SSPN: variants seen among roughly 807,000 people sequenced by gnomAD.
SSPN encodes the protein sarcospan.
SSPN carries 15 observed loss-of-function variants against 19.1 expected under a neutral mutation model. The ratio of observed to expected loss-of-function variants is 0.78; its 90% confidence interval spans 0.52 to 1.21. The LOEUF (loss-of-function observed/expected upper bound fraction) is 1.21. Among genes scored for constraint, SSPN ranks in the 50% most tolerant of loss-of-function variants. The pLI, the probability that SSPN is intolerant of heterozygous loss-of-function variation, is 0.00. For missense variants in SSPN, 291 were observed against 314.0 expected, an observed-to-expected ratio of 0.93 and a Z score of 0.55; for synonymous variants, 147 against 140.3, an observed-to-expected ratio of 1.05 and a Z score of -0.34.
intron 1 of SSPN, among the ~76,000 whole-genome samples, chr12:26,174,511 T>TCCTTCCTTCCCTTC (rs1565678366): frequency 1.4e-5 from 2 of 145,782 alleles, no homozygotes; most frequent in African/African-American, 5.2e-5. Flanking sequence ...TTCCCTTCCT[T>TCCTTCCTTCCCTTC]CCTTCCTTCC....
chr12:26,209,804 G>A (rs1327074339), intron 1 of SSPN, among the ~76,000 whole-genome samples: 6 of 29,394 alleles, frequency 2.0e-4, no homozygotes, highest in African/African-American at 3.0e-4. Flanking sequence ...GCGTGTGTGT[G>A]TGTGTGTGTG....
At chr12:26,198,171 G>GTT (rs1944846757) in intron 1 of SSPN, among the ~76,000 whole-genome samples, 5 of 148,808 alleles carry the variant, frequency 3.4e-5, no homozygotes. Context: ...AGTTTTGGGG[G>GTT]GGGGTTTTTG....
chr12:26,125,456 G>A (rs1415627081), intron 1 of SSPN: 1 of 157,476 alleles, frequency 6.4e-6, no homozygotes, highest in Non-Finnish European at 1.4e-5. Context: ...GAGAATTCGC[G>A]GTGGGTAAAC....
chr12:26,182,201 G>A (rs1044924885), intron 1 of SSPN, among the ~76,000 whole-genome samples: 1 of 152,290 alleles, frequency 6.6e-6, no homozygotes, highest in Middle Eastern at 3.4e-3. Flanking sequence ...CCTCACTGGA[G>A]TCGTTACTCA....
chr12:26,126,898 G>C (rs1372833828), intron 1 of SSPN, among the ~76,000 whole-genome samples: 2 of 152,176 alleles, frequency 1.3e-5, no homozygotes, highest in African/African-American at 4.8e-5. Flanking sequence ...TTTTTAAAAT[G>C]CTGACTTTAT....
chr12:26,139,900 A>T (rs1216339629), intron 1 of SSPN, among the ~76,000 whole-genome samples: 1 of 152,168 alleles, frequency 6.6e-6, no homozygotes, highest in African/African-American at 2.4e-5. Flanking sequence ...CTTTGCCAGC[A>T]CTAGGTGCTA....
At chr12:26,217,726 T>G (rs1443240227) in intron 1 of SSPN, among the ~76,000 whole-genome samples, 1 of 143,998 alleles carries the variant, frequency 6.9e-6, no homozygotes, top group Non-Finnish European at 1.5e-5. Flanking sequence ...CATAGATAGC[T>G]CTTATTATTT....
chr12:26,140,361 A>T (rs2137404971), intron 1 of SSPN, among the ~76,000 whole-genome samples: 1 of 152,226 alleles, frequency 6.6e-6, no homozygotes, highest in Admixed American at 6.5e-5. Flanking sequence ...TCTACATTGA[A>T]CCTATCAGCA....
chr12:26,203,264 A>C (rs964969656), intron 1 of SSPN, among the ~76,000 whole-genome samples: 2 of 152,232 alleles, frequency 1.3e-5, no homozygotes, highest in African/African-American at 4.8e-5. Flanking sequence ...TGCAAAATGC[A>C]GTTCATTTTT....
chr12:26,143,191 A>T (rs1459323355), intron 1 of SSPN, among the ~76,000 whole-genome samples: 2 of 152,350 alleles, frequency 1.3e-5, no homozygotes, highest in African/African-American at 4.8e-5. Flanking sequence ...AACAGTAGTC[A>T]TTTGATTAAG....
At chr12:26,214,405 C>T (rs1565690061) in intron 1 of SSPN, among the ~76,000 whole-genome samples, 1 of 152,174 alleles carries the variant, frequency 6.6e-6, no homozygotes, top group Non-Finnish European at 1.5e-5. Context: ...CCAGGCTCTG[C>T]ACTCTGACAG....
At chr12:26,161,734 G>C (rs1944590360) in intron 1 of SSPN, among the ~76,000 whole-genome samples, 1 of 152,172 alleles carries the variant, frequency 6.6e-6, no homozygotes, top group South Asian at 2.1e-4. Flanking sequence ...GACATGGTGT[G>C]GGGGATGGTT....
chr12:26,201,049 T>TATATA (rs2137464453), intron 1 of SSPN, among the ~76,000 whole-genome samples: 3 of 31,954 alleles, frequency 9.4e-5, no homozygotes, highest in Admixed American at 4.6e-4. Context: ...ATATATATTA[T>TATATA]ATATATATAT....
Position 26,231,915 on chromosome 12 carries a change from G to A in SSPN, c.*839G>A. 2 of 983,564 alleles carry A rather than the reference G, an allele frequency of 2.0e-6. No individual in the cohort carries two copies. The highest frequency in any genetic ancestry group is 2.4e-6 in the Non-Finnish European group (2 of 828,294). The allele number at this position is 983,564 out of a possible 1,614,324, so 60.9% of individuals were successfully genotyped here. A position where few individuals can be genotyped will look rare whatever the true frequency, so the allele number is the denominator to read the frequency against. ...GAAGTCTATTTAATGAGCTCTGACT[G>A]TACTTACGCTGCACTGTCGGTGTTA... On this transcript the variant is annotated 3_prime_UTR_variant, in exon 3 of 3. Coordinates refer to ENST00000242729, the MANE Select transcript of SSPN (RefSeq NM_005086.5).
chr12:26,124,712 C>T (rs1944347705), intron 1 of SSPN: 3 of 1,613,908 alleles, frequency 1.9e-6, no homozygotes, highest in Admixed American at 1.7e-5. Flanking sequence ...GGTGCGTGCA[C>T]CTTACCCTAT....
intron 1 of SSPN, among the ~76,000 whole-genome samples, chr12:26,148,249 A>C (rs912344588): frequency 1.3e-5 from 2 of 152,146 alleles, no homozygotes; most frequent in African/African-American, 4.8e-5. Flanking sequence ...CATGGAGGCT[A>C]TTTTGGGGTG....
chr12:26,123,334 G>C (rs990519533), intron 1 of SSPN, among the ~76,000 whole-genome samples: 1 of 152,188 alleles, frequency 6.6e-6, no homozygotes, highest in Non-Finnish European at 1.5e-5. Context: ...GAGAGAAGCG[G>C]GGTGGCGGAG....
At chr12:26,168,391 C>T (rs1337780340) in intron 1 of SSPN, among the ~76,000 whole-genome samples, 2 of 152,090 alleles carry the variant, frequency 1.3e-5, no homozygotes, top group Non-Finnish European at 2.9e-5. Context: ...CAATCCACCC[C>T]GCCCAGTGTT....
At chr12:26,155,287 G>A (rs1419259434) in intron 1 of SSPN, among the ~76,000 whole-genome samples, 1 of 152,184 alleles carries the variant, frequency 6.6e-6, no homozygotes, top group Non-Finnish European at 1.5e-5. Context: ...AGGTGAATTA[G>A]AAGATGAGAG....
Sources: allele counts gnomAD v4.1 joint callset (sites outside exome capture counted in the v4.1 genomes callset), GRCh38; gene constraint gnomAD v4.1.1; transcripts MANE v1.5; gene names NCBI Gene and HGNC (gene_info 2026-07-23, HGNC 2026-07-21).